The following LRMDA variants were observed in gnomAD, a reference collection of about 807,000 sequenced individuals.
LRMDA encodes leucine-rich melanocyte differentiation-associated protein.
A neutral mutation model predicts 29.8 loss-of-function variants in LRMDA; 18 were observed. That is an observed-to-expected ratio of 0.60 (90% confidence interval 0.42 to 0.90). The LOEUF (loss-of-function observed/expected upper bound fraction) is 0.90. Ranked by LOEUF, LRMDA falls within the 40% of genes least tolerant of loss-of-function variation. The probability of loss-of-function intolerance (pLI) is 0.00; values close to 1 mark genes in which losing one functional copy is unlikely to be tolerated. For synonymous variants in LRMDA, 125 were observed against 109.4 expected (o/e 1.14, Z -0.89); for missense variants, 273 against 273.9 (o/e 1.00, Z 0.02).
rs556497353 is a variant in LRMDA, at chr10:75,474,782, G to A, written c.131+36288G>A. On this transcript the variant is annotated intron_variant, in intron 2 of 6. Coordinates refer to ENST00000611255, the MANE Select transcript of LRMDA (RefSeq NM_001305581.2). ...TGGCCCCTTCAGTGGGTTGTAAGAC[G>A]TGTGTGCATGTGAGTGTGTGACACA... Among the ~76,000 whole-genome samples the A allele has an allele frequency of 5.3e-5, 8 of 152,306 alleles. No individual in the cohort carries two copies. In the East Asian group the frequency reaches 5.8e-4, roughly 11 times the overall value.
intron 2 of LRMDA, among the ~76,000 whole-genome samples, chr10:76,017,550 C>T (rs1847898490): frequency 6.6e-6 from 1 of 152,240 alleles, no homozygotes; most frequent in Non-Finnish European, 1.5e-5. Context: ...GTCCTTGGTC[C>T]TGAATCAGTC....
At chr10:75,602,584 C>T (rs192169487) in intron 2 of LRMDA, among the ~76,000 whole-genome samples, 6 of 152,244 alleles carry the variant, frequency 3.9e-5, no homozygotes, top group African/African-American at 1.4e-4. Flanking sequence ...TTGGAAAACT[C>T]TATTTATCTA....
At chr10:75,916,302 A>G (rs1290983320) in intron 2 of LRMDA, among the ~76,000 whole-genome samples, 1 of 152,090 alleles carries the variant, frequency 6.6e-6, no homozygotes, top group South Asian at 2.1e-4. Flanking sequence ...CAGTGGGTGC[A>G]GGCAGGACAT....
At chr10:76,441,637 G>A (rs1842304019) in intron 6 of LRMDA, among the ~76,000 whole-genome samples, 1 of 152,156 alleles carries the variant, frequency 6.6e-6, no homozygotes, top group Non-Finnish European at 1.5e-5. Flanking sequence ...GAATTGCACA[G>A]GGGGAGTGGC....
rs138954697 is a variant in LRMDA at position 76,383,921 on chromosome 10, G to T, written c.601+59436G>T. Among the ~76,000 whole-genome samples, 311 of 152,214 alleles carry T rather than the reference G, an allele frequency of 2.0e-3. 1 individual carries two copies. Among genetic ancestry groups the T allele is most frequent in the African/African-American group, 7.2e-3 (299 of 41,530 alleles). On this transcript the variant is annotated intron_variant, in intron 6 of 6. Coordinates refer to ENST00000611255, the MANE Select transcript of LRMDA (RefSeq NM_001305581.2). Reference sequence around the variant, plus strand: ...ACCAGTCACTTTCCATCATTTGTCAGTGTGTCACTTTCCTTGTGACATTTA... The same window carrying T: ...ACCAGTCACTTTCCATCATTTGTCATTGTGTCACTTTCCTTGTGACATTTA...
At chr10:75,721,740 C>T (rs1842569824) in intron 2 of LRMDA, among the ~76,000 whole-genome samples, 1 of 152,122 alleles carries the variant, frequency 6.6e-6, no homozygotes, top group Non-Finnish European at 1.5e-5. Context: ...ACTTAATTTT[C>T]AACCTAATTC....
intron 5 of LRMDA, among the ~76,000 whole-genome samples, chr10:76,086,005 C>A (rs1849128147): frequency 1.3e-5 from 2 of 152,208 alleles, no homozygotes; most frequent in African/African-American, 4.8e-5. Context: ...CTCTTCTGCA[C>A]CACCCCCCGC....
intron 5 of LRMDA, among the ~76,000 whole-genome samples, chr10:76,252,007 C>T (rs1159396585): frequency 6.6e-6 from 1 of 152,170 alleles, no homozygotes; most frequent in Non-Finnish European, 1.5e-5. Flanking sequence ...AACACATTGC[C>T]TTCAAAGTGA....
chr10:76,085,249 A>G (rs1263893767), intron 5 of LRMDA, among the ~76,000 whole-genome samples: 3 of 152,248 alleles, frequency 2.0e-5, no homozygotes, highest in Non-Finnish European at 2.9e-5. Flanking sequence ...TTCAGCTGCA[A>G]TAAATGCATC....
At chr10:76,490,270 A>G (rs953008562) in intron 6 of LRMDA, among the ~76,000 whole-genome samples, 1 of 151,974 alleles carries the variant, frequency 6.6e-6, no homozygotes, top group African/African-American at 2.4e-5. Context: ...CAGCCGTTAG[A>G]TGAAATATTC....
At chr10:76,011,737 G>A (rs1035889131) in intron 2 of LRMDA, among the ~76,000 whole-genome samples, 7 of 152,182 alleles carry the variant, frequency 4.6e-5, no homozygotes, top group Non-Finnish European at 7.3e-5. Context: ...CTGTGGAGTG[G>A]TGGCATCTTA....
At chr10:76,121,327 A>T (rs1053682772) in intron 5 of LRMDA, among the ~76,000 whole-genome samples, 54 of 152,184 alleles carry the variant, frequency 3.5e-4, no homozygotes, top group Non-Finnish European at 1.9e-4. Context: ...TGTCTGGCAG[A>T]GGGCGTTGTT....
intron 2 of LRMDA, among the ~76,000 whole-genome samples, chr10:75,714,360 C>T (rs939222917): frequency 6.6e-6 from 1 of 152,192 alleles, no homozygotes; most frequent in Non-Finnish European, 1.5e-5. Context: ...AGCCATGCTA[C>T]CCTCCTGTGC....
At chr10:76,361,264 A>G (rs1312408039) in intron 6 of LRMDA, among the ~76,000 whole-genome samples, 1 of 152,026 alleles carries the variant, frequency 6.6e-6, no homozygotes, top group East Asian at 1.9e-4. Flanking sequence ...GTCTCAAAAA[A>G]AAAAAAGAAA....
chr10:75,582,594 G>T (rs533896393), intron 2 of LRMDA, among the ~76,000 whole-genome samples: 1 of 152,184 alleles, frequency 6.6e-6, no homozygotes, highest in East Asian at 1.9e-4. Context: ...GTGATGGAAG[G>T]GGCTGCCACA....
At chr10:76,006,827 TCAAG>T (rs1847671232) in intron 2 of LRMDA, among the ~76,000 whole-genome samples, 1 of 152,164 alleles carries the variant, frequency 6.6e-6, no homozygotes, top group Non-Finnish European at 1.5e-5. Flanking sequence ...TTTCTAGGCT[TCAAG>T]CAAGAGGGGA....
chr10:75,557,491 C>G (rs1000029121), intron 2 of LRMDA, among the ~76,000 whole-genome samples: 18 of 152,080 alleles, frequency 1.2e-4, no homozygotes, highest in African/African-American at 4.3e-4. Context: ...GGCAGCCTGG[C>G]TATGAAAACC....
At chr10:76,554,563 A>G (rs1486139695) in intron 6 of LRMDA, among the ~76,000 whole-genome samples, 3 of 152,194 alleles carry the variant, frequency 2.0e-5, no homozygotes, top group Non-Finnish European at 2.9e-5. Context: ...GCATTCATCA[A>G]ACAGCCTTCT....
intron 6 of LRMDA, among the ~76,000 whole-genome samples, chr10:76,370,091 T>G (rs997675485): frequency 6.8e-6 from 1 of 146,602 alleles, no homozygotes; most frequent in African/African-American, 2.5e-5. Context: ...TGCAGATCAT[T>G]TGCACCTTGA....
Sources: allele counts gnomAD v4.1 joint callset (sites outside exome capture counted in the v4.1 genomes callset), GRCh38; gene constraint gnomAD v4.1.1; transcripts MANE v1.5; gene names NCBI Gene and HGNC (gene_info 2026-07-23, HGNC 2026-07-21).